The following RGS5 variants were observed in gnomAD, a reference collection of about 807,000 sequenced individuals.
RGS5 encodes the protein regulator of G protein signaling 5.
RGS5 carries 20 observed loss-of-function variants against 18.9 expected under a neutral mutation model. The observed-to-expected ratio is 1.06, with a 90% CI of 0.74 to 1.54. The LOEUF is 1.54. RGS5 is among the 40% of genes most tolerant of loss of function. The pLI, the probability that RGS5 is intolerant of heterozygous loss-of-function variation, is 0.00. For missense variants in RGS5, 201 were observed against 211.8 expected, an observed-to-expected ratio of 0.95 and a Z score of 0.32; for synonymous variants, 57 against 76.2, an observed-to-expected ratio of 0.75 and a Z score of 1.31.
At chr1:163,297,485 C>G (rs192407398) in intron 2 of RGS5, among the ~76,000 whole-genome samples, 1 of 152,240 alleles carries the variant, frequency 6.6e-6, no homozygotes, top group East Asian at 1.9e-4. Context: ...CTCCCTTTCC[C>G]TAATTAGGAT....
chr1:163,255,449 T>C (rs1648246546), intron 2 of RGS5, among the ~76,000 whole-genome samples: 1 of 152,304 alleles, frequency 6.6e-6, no homozygotes, highest in Non-Finnish European at 1.5e-5. Context: ...TAACAGGCTC[T>C]GAAATAGTGG....
chr1:163,292,122 T>C (rs1358443413), intron 2 of RGS5, among the ~76,000 whole-genome samples: 1 of 152,146 alleles, frequency 6.6e-6, no homozygotes, highest in African/African-American at 2.4e-5. Context: ...CACCCAGGTA[T>C]TAAGCCGAGC....
At position 163,306,565 on chromosome 1, in the gene RGS5, A is replaced by C. The variant is rs1649705445; in HGVS notation, c.-377-236T>G. 2.0e-5 allele frequency among the ~76,000 whole-genome samples: 3 copies of C among 152,218 alleles called. No individual in the cohort carries two copies. In the South Asian group the frequency reaches 6.2e-4, roughly 31 times the overall value. ...GCTGTGAGCCATGTTTTATGGGTTG[A>C]ATTGTGTCCTCTAAAAGAGATATGT... On this transcript the variant is annotated intron_variant, in intron 1 of 5. Coordinates refer to the RGS5 transcript ENST00000618415.
chr1:163,255,493 C>T (rs1348325824), intron 2 of RGS5, among the ~76,000 whole-genome samples: 1 of 151,792 alleles, frequency 6.6e-6, no homozygotes, highest in Non-Finnish European at 1.5e-5. Context: ...AAAAAGAGTC[C>T]AGGACCAGAT....
intron 1 of RGS5, among the ~76,000 whole-genome samples, chr1:163,314,376 C>T (rs986162421): frequency 3.9e-5 from 6 of 151,922 alleles, no homozygotes; most frequent in African/African-American, 1.5e-4. Context: ...TAGACTTAGA[C>T]CCCTTTTTGA....
chr1:163,196,285 T>G (rs7519727), intron 1 of RGS5, among the ~76,000 whole-genome samples: 22,799 of 152,146 alleles, frequency 0.15, 1,752 homozygotes, highest in South Asian at 0.26. Context: ...TGACTGATCC[T>G]GACTGAATTA....
At chr1:163,282,371 AC>A (rs1649016325) in intron 2 of RGS5, among the ~76,000 whole-genome samples, 2 of 152,158 alleles carry the variant, frequency 1.3e-5, no homozygotes, top group South Asian at 4.1e-4. Context: ...AATTAAAACC[AC>A]AATGAGATAT....
chr1:163,192,340 C>T (rs1444789220), intron 1 of RGS5, among the ~76,000 whole-genome samples: 3 of 152,020 alleles, frequency 2.0e-5, no homozygotes, highest in African/African-American at 7.2e-5. Context: ...AGAACACACC[C>T]TTGGTGCCTA....
chr1:163,300,344 A>G (rs1309412551), intron 2 of RGS5: 1 of 152,258 alleles, frequency 6.6e-6, no homozygotes, highest in Admixed American at 6.5e-5. Context: ...CATTGTTCCC[A>G]GACATTGAGC....
intron 1 of RGS5, chr1:163,217,511 A>G: frequency 1.3e-6 from 2 of 1,519,816 alleles, no homozygotes; most frequent in Admixed American, 2.3e-5. Flanking sequence ...ATTTAAGACT[A>G]ATATTTGTAC....
intron 2 of RGS5, among the ~76,000 whole-genome samples, chr1:163,230,777 T>C (rs974295885): frequency 2.6e-5 from 4 of 152,228 alleles, no homozygotes; most frequent in African/African-American, 9.6e-5. Flanking sequence ...AAGAAGTGCA[T>C]ACTACATTGA....
chr1:163,311,753 G>A (rs1649869740), intron 1 of RGS5, among the ~76,000 whole-genome samples: 1 of 152,134 alleles, frequency 6.6e-6, no homozygotes, highest in Admixed American at 6.6e-5. Flanking sequence ...AAAGATTACC[G>A]ATTGCAGATC....
intron 3 of RGS5, among the ~76,000 whole-genome samples, chr1:163,154,832 A>C (rs1657519618): frequency 6.7e-6 from 1 of 149,476 alleles, no homozygotes; most frequent in East Asian, 1.9e-4. Flanking sequence ...ATAATTTAAA[A>C]ATTATATCTA....
chr1:163,193,431 C>T (rs1346011546), intron 1 of RGS5, among the ~76,000 whole-genome samples: 1 of 151,984 alleles, frequency 6.6e-6, no homozygotes, highest in Admixed American at 6.6e-5. Flanking sequence ...TCTACCTAGG[C>T]ATGGCAACTG....
At chr1:163,232,708 G>C (rs1220547056) in intron 2 of RGS5, among the ~76,000 whole-genome samples, 1 of 152,134 alleles carries the variant, frequency 6.6e-6, no homozygotes, top group Non-Finnish European at 1.5e-5. Flanking sequence ...AATACTATAG[G>C]AATCCTGTGG....
At chr1:163,223,046 T>C (rs907558654) in intron 2 of RGS5, among the ~76,000 whole-genome samples, 1 of 143,872 alleles carries the variant, frequency 7.0e-6, no homozygotes, top group Non-Finnish European at 1.5e-5. Context: ...GGTTTTACCA[T>C]GTTGGTCAGG....
Position 163,143,530 on chromosome 1 carries a change from A to G in RGS5, c.*3812T>C, listed in dbSNP as rs1270842086. 6.6e-6 allele frequency: 1 copy of G among 152,164 alleles called. No homozygotes were observed. Among genetic ancestry groups the G allele is most frequent in the Non-Finnish European group, 1.5e-5 (1 of 68,024 alleles). 9.4% of individuals were successfully genotyped at this position (152,164 alleles called of 1,614,324 possible). ...CAAGTCAGAAAATACCTTCCTGCAA[A>G]TATGGAAGATGACAAAACTCAGTTT... On this transcript the variant is annotated 3_prime_UTR_variant, in exon 5 of 5. Transcript: ENST00000313961.
intron 1 of RGS5, chr1:163,217,433 T>C (rs1024674035): frequency 4.5e-6 from 6 of 1,339,604 alleles, no homozygotes; most frequent in Admixed American, 3.2e-5. Flanking sequence ...TAGAGCACTA[T>C]TGGCATCCTT....
chr1:163,255,949 TG>T (rs1221192465), intron 2 of RGS5, among the ~76,000 whole-genome samples: 1 of 152,124 alleles, frequency 6.6e-6, no homozygotes, highest in African/African-American at 2.4e-5. Context: ...TAGGTATTGA[TG>T]GGATGTATCT....
Sources: allele counts gnomAD v4.1 joint callset (sites outside exome capture counted in the v4.1 genomes callset), GRCh38; gene constraint gnomAD v4.1.1; transcripts MANE v1.5; gene names NCBI Gene and HGNC (gene_info 2026-07-23, HGNC 2026-07-21).